TBC1D5: variants seen among roughly 807,000 people sequenced by gnomAD.
TBC1D5 encodes the protein TBC1 domain family member 5, also known as TBC1 domain family, member 5.
TBC1D5 carries 75 observed loss-of-function variants against 100.3 expected under a neutral mutation model. That is an observed-to-expected ratio of 0.75 (90% CI 0.62 to 0.91). TBC1D5 has a LOEUF of 0.91. Ranked by LOEUF, TBC1D5 falls within the 40% of genes least tolerant of loss-of-function variation. The pLI is 0.00. For missense variants in TBC1D5, 910 were observed against 942.4 expected (o/e 0.97, Z 0.45); for synonymous variants, 323 against 325.6 (o/e 0.99, Z 0.09).
At chr3:17,272,837 G>A (rs1429268154) in intron 15 of TBC1D5, among the ~76,000 whole-genome samples, 1 of 152,142 alleles carries the variant, frequency 6.6e-6, no homozygotes, top group Non-Finnish European at 1.5e-5. Context: ...CCAAAATTAA[G>A]AATGAAAAAC....
At chr3:17,388,323 G>A (rs1429476078) in intron 8 of TBC1D5, among the ~76,000 whole-genome samples, 1 of 151,896 alleles carries the variant, frequency 6.6e-6, no homozygotes, top group African/African-American at 2.4e-5. Context: ...AGGCAATATA[G>A]GTTTAATTAT....
intron 1 of TBC1D5, among the ~76,000 whole-genome samples, chr3:17,648,873 T>C (rs923462351): frequency 2.6e-5 from 4 of 152,158 alleles, no homozygotes; most frequent in African/African-American, 7.2e-5. Flanking sequence ...TTATACACTG[T>C]TGGTGGGAAT....
intron 1 of TBC1D5, among the ~76,000 whole-genome samples, chr3:17,670,375 A>G (rs540406712): frequency 6.6e-6 from 1 of 152,330 alleles, no homozygotes; most frequent in African/African-American, 2.4e-5. Context: ...TTATTTTCCA[A>G]CAAGTTTTAG....
intron 8 of TBC1D5, 46 bp downstream of exon 8, chr3:17,403,132 TAAC>T (rs1249092366): frequency 3.4e-6 from 5 of 1,469,988 alleles, no homozygotes; most frequent in African/African-American, 2.8e-5. Context: ...TAGAAAGAGA[TAAC>T]AACAATTTGA....
At chr3:17,270,791 T>TA (rs1226595851) in intron 15 of TBC1D5, among the ~76,000 whole-genome samples, 1 of 152,126 alleles carries the variant, frequency 6.6e-6, no homozygotes, top group African/African-American at 2.4e-5. Context: ...GTAATTGTTG[T>TA]ATATGGTGAA....
At chr3:17,383,666 A>G (rs930332776) in intron 9 of TBC1D5, among the ~76,000 whole-genome samples, 3 of 152,096 alleles carry the variant, frequency 2.0e-5, no homozygotes, top group Non-Finnish European at 4.4e-5. Context: ...AACTCCCAGA[A>G]GTTGAAAGAA....
upstream of TBC1D5, among the ~76,000 whole-genome samples, chr3:17,742,002 G>A (rs1486083754): frequency 1.3e-5 from 2 of 152,032 alleles, no homozygotes; most frequent in East Asian, 3.9e-4. Flanking sequence ...AAGGAAGCGT[G>A]CTTCCCGGGG....
chr3:17,230,275 A>T (rs1278824084), intron 17 of TBC1D5, among the ~76,000 whole-genome samples: 1 of 152,118 alleles, frequency 6.6e-6, no homozygotes, highest in Non-Finnish European at 1.5e-5. Flanking sequence ...ACACTGGGAC[A>T]TTTTTGTCAG....
chr3:17,688,491 G>A (rs191499740), intron 1 of TBC1D5, among the ~76,000 whole-genome samples: 2 of 152,304 alleles, frequency 1.3e-5, no homozygotes, highest in Non-Finnish European at 2.9e-5. Flanking sequence ...TAGAAAAGTG[G>A]TTAGGTTCAG....
chr3:17,432,047 C>T (rs1003479412), intron 3 of TBC1D5, among the ~76,000 whole-genome samples: 1 of 152,144 alleles, frequency 6.6e-6, no homozygotes, highest in Non-Finnish European at 1.5e-5. Context: ...CACGCCTACT[C>T]AAATGTGTCT....
chr3:17,452,648 G>A (rs1394320367), intron 3 of TBC1D5, among the ~76,000 whole-genome samples: 1 of 152,032 alleles, frequency 6.6e-6, no homozygotes, highest in African/African-American at 2.4e-5. Flanking sequence ...CCAGTACTGA[G>A]CATCCAACAT....
intron 19 of TBC1D5, among the ~76,000 whole-genome samples, chr3:17,176,764 T>G (rs1575751983): frequency 6.6e-6 from 1 of 151,098 alleles, no homozygotes; most frequent in African/African-American, 2.4e-5. Context: ...CAAACCTGCA[T>G]GTTCTGCACA....
At chr3:17,544,279 A>C (rs998108296) in intron 2 of TBC1D5, among the ~76,000 whole-genome samples, 1 of 152,224 alleles carries the variant, frequency 6.6e-6, no homozygotes, top group African/African-American at 2.4e-5. Context: ...AAAATTGTAC[A>C]TGAAAACCCA....
At chr3:17,693,080 ACCTTGGACTTCTCAG>A (rs1473879586) in intron 1 of TBC1D5, among the ~76,000 whole-genome samples, 1 of 152,222 alleles carries the variant, frequency 6.6e-6, no homozygotes, top group Non-Finnish European at 1.5e-5. Flanking sequence ...TGAACCCTTG[ACCTTGGACTTCTCAG>A]CCTTAAAGCC....
chr3:17,598,577 A>C (rs1436008210), intron 2 of TBC1D5, among the ~76,000 whole-genome samples: 1 of 152,086 alleles, frequency 6.6e-6, no homozygotes. Context: ...TCCAATACAC[A>C]CTGTAATCCA....
intron 18 of TBC1D5, among the ~76,000 whole-genome samples, chr3:17,193,625 T>A (rs1038895510): frequency 6.6e-6 from 1 of 152,218 alleles, no homozygotes; most frequent in Non-Finnish European, 1.5e-5. Context: ...AAGATCTTCA[T>A]TTCTTACCCC....
At chr3:17,405,741 G>A (rs2093754575) in intron 5 of TBC1D5, among the ~76,000 whole-genome samples, 1 of 151,886 alleles carries the variant, frequency 6.6e-6, no homozygotes. Context: ...ATGTGTTTTT[G>A]TCTTTACTTG....
intron 16 of TBC1D5, among the ~76,000 whole-genome samples, chr3:17,252,341 T>C (rs2077248018): frequency 6.6e-6 from 1 of 152,180 alleles, no homozygotes; most frequent in Non-Finnish European, 1.5e-5. Flanking sequence ...AGATCAGAAA[T>C]AACATTCTCT....
exon 7 of TBC1D5, chr3:17,404,711 G>C: frequency 6.2e-7 from 1 of 1,605,988 alleles, no homozygotes; most frequent in Non-Finnish European, 8.5e-7. Context: ...TCCTGTGAAA[G>C]AGGATTATTG....
Sources: allele counts gnomAD v4.1 joint callset (sites outside exome capture counted in the v4.1 genomes callset), GRCh38; gene constraint gnomAD v4.1.1; transcripts MANE v1.5; gene names NCBI Gene and HGNC (gene_info 2026-07-23, HGNC 2026-07-21).